The following CNTNAP5 variants were observed in gnomAD, a reference collection of about 807,000 sequenced individuals.
CNTNAP5 encodes contactin-associated protein-like 5.
Under a neutral mutation model 150.2 loss-of-function variants are expected in CNTNAP5, and 72 were observed. The ratio of observed to expected loss-of-function variants is 0.48; its 90% CI spans 0.40 to 0.58. The LOEUF (loss-of-function observed/expected upper bound fraction) is 0.58. CNTNAP5 is among the 20% of genes least tolerant of loss of function. The pLI is 0.00. For synonymous variants in CNTNAP5, 672 were observed against 619.8 expected (o/e 1.08, Z -1.25); for missense variants, 1,636 against 1,626.2 (o/e 1.01, Z -0.10).
chr2:124,811,553 C>G (rs945374328), intron 19 of CNTNAP5, among the ~76,000 whole-genome samples: 1 of 152,052 alleles, frequency 6.6e-6, no homozygotes, highest in Non-Finnish European at 1.5e-5. Context: ...ACTATGTGGA[C>G]AGTGGCACAC....
At chr2:124,270,087 G>A (rs1558828167) in intron 3 of CNTNAP5, among the ~76,000 whole-genome samples, 1 of 152,178 alleles carries the variant, frequency 6.6e-6, no homozygotes, top group Admixed American at 6.5e-5. Flanking sequence ...AGGCCGAGGC[G>A]GGTGGATCAC....
intron 7 of CNTNAP5, among the ~76,000 whole-genome samples, chr2:124,476,586 C>G (rs933740894): frequency 6.6e-6 from 1 of 152,150 alleles, no homozygotes; most frequent in African/African-American, 2.4e-5. Flanking sequence ...GAAGTCTAGG[C>G]TTTCCTTGTG....
At chr2:124,105,259 G>C (rs553688063) in intron 1 of CNTNAP5, among the ~76,000 whole-genome samples, 2 of 152,136 alleles carry the variant, frequency 1.3e-5, no homozygotes, top group African/African-American at 2.4e-5. Context: ...TAGACATTTA[G>C]ACTGTGACTA....
At chr2:124,589,992 G>A (rs534208532) in intron 11 of CNTNAP5, among the ~76,000 whole-genome samples, 2 of 152,162 alleles carry the variant, frequency 1.3e-5, no homozygotes, top group South Asian at 2.1e-4. Context: ...CTTCCTGAAT[G>A]GGTTAATGCT....
intron 17 of CNTNAP5, among the ~76,000 whole-genome samples, chr2:124,779,951 T>C (rs1681415650): frequency 6.6e-6 from 1 of 152,188 alleles, no homozygotes; most frequent in African/African-American, 2.4e-5. Context: ...TAGTGTCTAA[T>C]TTATCTTCAC....
intron 3 of CNTNAP5, among the ~76,000 whole-genome samples, chr2:124,250,461 C>T (rs1393425523): frequency 6.6e-6 from 1 of 151,980 alleles, no homozygotes; most frequent in Non-Finnish European, 1.5e-5. Context: ...AGGACACTGG[C>T]TCTCAGGGTC....
In CNTNAP5 at chr2:124,563,217, G is replaced by A. The variant is rs776439837; in HGVS notation, c.1650G>A (p.Arg550=). The change falls in exon 11 of 24, where the codon AGG becomes AGA. Residue 550 remains arginine (R), a splice_region_variant and synonymous_variant. Transcript: ENST00000682447. ...TTTCATTTATGTTTTCTTCCATTAG[G>A]TGTTTGCCAAACTACTGTGAACATG... The part of the protein sequence containing the change: ...LHIDLCSIKD[R]CLPNYCEHGG... The A allele has an allele frequency of 6.4e-7, 1 of 1,573,666 alleles. No individual in the cohort carries two copies. Among genetic ancestry groups the A allele is most frequent in the Non-Finnish European group, 8.7e-7 (1 of 1,154,120 alleles).
At chr2:124,580,694 C>G (rs563745352) in intron 11 of CNTNAP5, among the ~76,000 whole-genome samples, 1 of 152,232 alleles carries the variant, frequency 6.6e-6, no homozygotes, top group South Asian at 2.1e-4. Flanking sequence ...CTCCGTCTCT[C>G]TCTCTCAGCT....
intron 19 of CNTNAP5, among the ~76,000 whole-genome samples, chr2:124,801,823 C>G (rs562110666): frequency 5.8e-4 from 88 of 151,938 alleles, no homozygotes; most frequent in African/African-American, 1.9e-3. Context: ...CTTTGATACA[C>G]TGTCGTGAAA....
At chr2:124,482,707 G>A (rs1693787758) in intron 7 of CNTNAP5, among the ~76,000 whole-genome samples, 1 of 152,122 alleles carries the variant, frequency 6.6e-6, no homozygotes, top group South Asian at 2.1e-4. Flanking sequence ...GGAGGGCAGC[G>A]AAGGGCAGAG....
rs55657195 is a variant in CNTNAP5, at chr2:124,056,885, C to T, written c.82+31153C>T. On this transcript the variant is annotated intron_variant, in intron 1 of 23. Coordinates refer to ENST00000682447, the MANE Select transcript of CNTNAP5 (RefSeq NM_001367498.1). The stretch of plus-strand genomic sequence containing the variant: ...ATTCATCTCTATCGTAGTTTTCTTC[C>T]TCTGCTTTTCTGGTTACCCATTCTC... 9.7e-3 allele frequency among the ~76,000 whole-genome samples: 1,479 copies of T among 152,280 alleles called. 16 individuals carry two copies. The highest frequency in any genetic ancestry group is 0.011 in the Non-Finnish European group (745 of 68,024).
At chr2:124,706,810 G>A (rs1476531663) in intron 13 of CNTNAP5, among the ~76,000 whole-genome samples, 173 of 13,142 alleles carry the variant, frequency 0.013, 1 homozygote, top group African/African-American at 0.032. Flanking sequence ...GGAGGAGGAG[G>A]AGGAGGAGGA....
intron 6 of CNTNAP5, among the ~76,000 whole-genome samples, chr2:124,462,238 C>T (rs543645190): frequency 4.6e-5 from 7 of 152,186 alleles, no homozygotes; most frequent in African/African-American, 1.7e-4. Context: ...GAGAGAAAAT[C>T]AATGTCTGGA....
At chr2:124,738,717 T>A (rs1290719337) in intron 13 of CNTNAP5, among the ~76,000 whole-genome samples, 2 of 142,586 alleles carry the variant, frequency 1.4e-5, no homozygotes, top group Admixed American at 1.4e-4. Flanking sequence ...GGAGACAGAG[T>A]GAGACTCCAT....
chr2:124,786,435 G>A lies in CNTNAP5; in HGVS notation c.2753-3467G>A, dbSNP rs1225880937. On this transcript the variant is annotated intron_variant, in intron 17 of 23. Coordinates refer to ENST00000682447, the MANE Select transcript of CNTNAP5 (RefSeq NM_001367498.1). Reference sequence around the variant, plus strand: ...GGAAGGAAGGAAGGAAGGAAGGAAGGAAGGAAGGAAGGAAAGAAAGAAAGA... The same window carrying A: ...GGAAGGAAGGAAGGAAGGAAGGAAGAAAGGAAGGAAGGAAAGAAAGAAAGA... 2.2e-3 allele frequency among the ~76,000 whole-genome samples: 254 copies of A among 113,546 alleles called. 1 individual carries two copies. The highest frequency in any genetic ancestry group is 8.1e-3 in the African/African-American group (201 of 24,946). 74.5% of individuals were successfully genotyped at this position (113,546 alleles called of 152,430 possible).
At chr2:124,035,792 G>C (rs1681196846) in intron 1 of CNTNAP5, among the ~76,000 whole-genome samples, 1 of 150,728 alleles carries the variant, frequency 6.6e-6, no homozygotes, top group Admixed American at 6.6e-5. Context: ...AAAGGCTTCA[G>C]TTTTTTGGCT....
intron 1 of CNTNAP5, among the ~76,000 whole-genome samples, chr2:124,062,875 A>G (rs546583205): frequency 6.6e-6 from 1 of 152,218 alleles, no homozygotes; most frequent in East Asian, 1.9e-4. Flanking sequence ...GCATTTTTTC[A>G]TGGAGGACAC....
At chr2:124,123,396 A>T (rs1683614248) in intron 1 of CNTNAP5, among the ~76,000 whole-genome samples, 1 of 152,134 alleles carries the variant, frequency 6.6e-6, no homozygotes, top group Non-Finnish European at 1.5e-5. Context: ...AGGTAAACAA[A>T]GCAGCTGGAA....
chr2:124,268,003 A>T lies in CNTNAP5; in HGVS notation c.381+25610A>T, dbSNP rs117218307. ...TGAGAACACTTATGGTAATGTCAGGATCCAGCTCAATATTTCAAAGCAATG... is the reference window on the plus strand; with the variant it reads ...TGAGAACACTTATGGTAATGTCAGGTTCCAGCTCAATATTTCAAAGCAATG... On this transcript the variant is annotated intron_variant, in intron 3 of 23. Transcript: ENST00000682447. 2.8e-4 allele frequency among the ~76,000 whole-genome samples: 43 copies of T among 152,288 alleles called. No individual in the cohort carries two copies. In the East Asian group the frequency reaches 8.1e-3, roughly 29 times the overall value.
Sources: gnomAD v4.1 joint callset for allele counts (sites outside exome capture counted in the v4.1 genomes callset) on GRCh38, gnomAD v4.1.1 for gene constraint, MANE v1.5 for transcripts, NCBI Gene and HGNC (gene_info 2026-07-23, HGNC 2026-07-21) for gene names.